GPHN: variants seen among roughly 807,000 people sequenced by gnomAD.
GPHN encodes the protein gephyrin.
In GPHN, 17 loss-of-function variants were observed where a neutral mutation model predicts 95.5. The ratio of observed to expected loss-of-function variants is 0.18; its 90% confidence interval spans 0.12 to 0.27. The LOEUF is 0.27. GPHN is among the 10% of genes least tolerant of loss of function. The pLI, the probability that GPHN is intolerant of heterozygous loss-of-function variation, is 1.00. For missense variants in GPHN, 660 were observed against 978.1 expected (o/e 0.67, Z 4.34); for synonymous variants, 320 against 322.5 (o/e 0.99, Z 0.08).
intron 1 of GPHN, among the ~76,000 whole-genome samples, chr14:66,576,132 T>A (rs2060890191): frequency 6.6e-6 from 1 of 152,036 alleles, no homozygotes; most frequent in Non-Finnish European, 1.5e-5. Flanking sequence ...GTTTGGAGCC[T>A]GCAGCTGTGG....
At chr14:67,484,447 A>AT in the GPHN span, among the ~76,000 whole-genome samples, 1 of 152,090 alleles carries the variant, frequency 6.6e-6, no homozygotes, top group South Asian at 2.1e-4. Context: ...CTAGCATTTA[A>AT]TTTTTTTTCT....
chr14:67,723,472 C>T, the GPHN span, among the ~76,000 whole-genome samples: 13 of 152,146 alleles, frequency 8.5e-5, no homozygotes, highest in Admixed American at 2.6e-4. Context: ...TGGGCTTAAG[C>T]GACCATCCCA....
At chr14:66,772,855 C>T (rs1000352476) in intron 2 of GPHN, among the ~76,000 whole-genome samples, 7 of 151,984 alleles carry the variant, frequency 4.6e-5, no homozygotes, top group Admixed American at 3.9e-4. Flanking sequence ...TCTTTAAAAC[C>T]GTCCCCTTGG....
chr14:67,625,216 A>C, the GPHN span, among the ~76,000 whole-genome samples: 6 of 152,248 alleles, frequency 3.9e-5, no homozygotes, highest in Admixed American at 3.3e-4. Context: ...AATGGACCAA[A>C]GTCCTAAATG....
the GPHN span, among the ~76,000 whole-genome samples, chr14:67,481,924 A>G: frequency 6.6e-6 from 1 of 152,236 alleles, no homozygotes; most frequent in African/African-American, 2.4e-5. Context: ...AGGACAGCCC[A>G]GGAACAGAAA....
At chr14:66,850,984 ATAAT>A (rs1169090878) in intron 4 of GPHN, among the ~76,000 whole-genome samples, 1 of 152,124 alleles carries the variant, frequency 6.6e-6, no homozygotes, top group African/African-American at 2.4e-5. Context: ...ATAAGAATAT[ATAAT>A]TATTGTGCTG....
intron 2 of GPHN, among the ~76,000 whole-genome samples, chr14:66,768,380 A>T (rs2059041182): frequency 6.6e-6 from 1 of 152,020 alleles, no homozygotes; most frequent in South Asian, 2.1e-4. Context: ...AAGTTATTGA[A>T]AACTAAAATT....
At chr14:66,855,012 T>A (rs576813269) in intron 4 of GPHN, among the ~76,000 whole-genome samples, 1 of 152,172 alleles carries the variant, frequency 6.6e-6, no homozygotes, top group South Asian at 2.1e-4. Context: ...CAAGCCCAGC[T>A]AATTTTTGTA....
intron 10 of GPHN, among the ~76,000 whole-genome samples, chr14:67,037,812 G>C (rs929336824): frequency 1.3e-5 from 2 of 151,560 alleles, no homozygotes; most frequent in African/African-American, 2.4e-5. Flanking sequence ...ACAAGTATTG[G>C]TGATCATAGG....
chr14:66,671,303 C>T (rs2066294610), intron 1 of GPHN, among the ~76,000 whole-genome samples: 1 of 152,142 alleles, frequency 6.6e-6, no homozygotes, highest in Non-Finnish European at 1.5e-5. Context: ...GGAAAGTTCT[C>T]AGTTGTAGAG....
At chr14:67,083,480 A>G (rs570139823) in intron 11 of GPHN, among the ~76,000 whole-genome samples, 1 of 152,306 alleles carries the variant, frequency 6.6e-6, no homozygotes, top group African/African-American at 2.4e-5. Flanking sequence ...GAAAAAAGCC[A>G]CTATGCTTCT....
intron 8 of GPHN, among the ~76,000 whole-genome samples, chr14:66,930,317 G>C (rs979819575): frequency 6.6e-6 from 1 of 151,374 alleles, no homozygotes. Flanking sequence ...ACTATTGTTA[G>C]TTTTTTGGTT....
the GPHN span, chr14:67,587,043 C>T: frequency 1.3e-6 from 2 of 1,552,192 alleles, no homozygotes; most frequent in South Asian, 2.3e-5. Context: ...AAGGCTAGTT[C>T]AATTCCTTCA....
chr14:67,365,032 T>C, the GPHN span: 3 of 1,554,954 alleles, frequency 1.9e-6, no homozygotes, highest in Non-Finnish European at 2.6e-6. Context: ...ATATCTGTAA[T>C]ATAAATTTCA....
the GPHN span, among the ~76,000 whole-genome samples, chr14:67,708,708 A>G: frequency 6.6e-6 from 1 of 152,174 alleles, no homozygotes; most frequent in Non-Finnish European, 1.5e-5. Flanking sequence ...ACACCATTTC[A>G]TATTTGACTA....
rs74873054 is a variant in GPHN at position 66,707,907 on chromosome 14, A to T, written c.143+26722A>T. Among the ~76,000 whole-genome samples the T allele has an allele frequency of 3.7e-3, 556 of 152,250 alleles. 12 individuals are homozygous for T. Among genetic ancestry groups the T allele is most frequent in the African/African-American group, 0.013 (530 of 41,546 alleles). On this transcript the variant is annotated intron_variant, in intron 2 of 22. Transcript: ENST00000478722. ...AGTTACTATATCTAACAGTTTAAAC[A>T]TTTATCATTTCTGTGTGGTGATAAT...
intron 4 of GPHN, among the ~76,000 whole-genome samples, chr14:66,827,920 C>T (rs2061440400): frequency 1.3e-5 from 2 of 151,860 alleles, no homozygotes; most frequent in Non-Finnish European, 2.9e-5. Context: ...AGAAATTGAG[C>T]AGTATTTTAT....
At chr14:67,513,141 A>G in the GPHN span, among the ~76,000 whole-genome samples, 1 of 152,206 alleles carries the variant, frequency 6.6e-6, no homozygotes, top group Non-Finnish European at 1.5e-5. Context: ...TCCCATCTTA[A>G]GGTCAGTACA....
rs112011898 is a variant in GPHN, at chr14:66,743,274, T to C, written c.144-33190T>C. On this transcript the variant is annotated intron_variant, in intron 2 of 22. Transcript: ENST00000478722. The stretch of plus-strand genomic sequence containing the variant: ...AAGTCCCAGTATGCCCCACTATAAA[T>C]TGAAACATTGTGTTCTAGTCTTTAT... Among the ~76,000 whole-genome samples the C allele has an allele frequency of 7.9e-5, 12 of 152,168 alleles. 2 individuals carry two copies. Among genetic ancestry groups the C allele is most frequent in the African/African-American group, 2.9e-4 (12 of 41,518 alleles).
Sources: allele counts gnomAD v4.1 joint callset (sites outside exome capture counted in the v4.1 genomes callset), GRCh38; gene constraint gnomAD v4.1.1; transcripts MANE v1.5; gene names NCBI Gene and HGNC (gene_info 2026-07-23, HGNC 2026-07-21).